Variants in RNF13 observed in about 807,000 individuals in gnomAD.
The protein encoded by RNF13 is E3 ubiquitin-protein ligase RNF13.
In RNF13, 19 loss-of-function variants were observed where a neutral mutation model predicts 37.7. The ratio of observed to expected loss-of-function variants is 0.50; its 90% CI spans 0.35 to 0.74. The LOEUF (loss-of-function observed/expected upper bound fraction) is 0.74, where lower values mean the gene tolerates loss of function less well. Among genes scored for constraint, RNF13 ranks in the 30% least tolerant of loss-of-function variants. RNF13 has a pLI of 0.01. For synonymous variants in RNF13, 144 were observed against 157.8 expected, an observed-to-expected ratio of 0.91 and a Z score of 0.65; for missense variants, 375 against 453.0, an observed-to-expected ratio of 0.83 and a Z score of 1.56.
chr3:149,863,475 G>A (rs1189730264), intron 3 of RNF13, among the ~76,000 whole-genome samples: 1 of 152,128 alleles, frequency 6.6e-6, no homozygotes, highest in Admixed American at 6.5e-5. Flanking sequence ...TGCCTCCTGG[G>A]TTCAAGCAAT....
At chr3:149,914,007 T>C (rs565288874) in intron 7 of RNF13, among the ~76,000 whole-genome samples, 1 of 152,212 alleles carries the variant, frequency 6.6e-6, no homozygotes, top group Admixed American at 6.5e-5. Flanking sequence ...ATTTTTCTCT[T>C]CTCAGCATTT....
chr3:149,826,257 A>G (rs1720492021), intron 1 of RNF13, among the ~76,000 whole-genome samples: 1 of 152,238 alleles, frequency 6.6e-6, no homozygotes, highest in Admixed American at 6.5e-5. Context: ...TTGCTAATGA[A>G]TGCAGATGCC....
At chr3:149,886,908 A>AT (rs1160806664) in intron 4 of RNF13, among the ~76,000 whole-genome samples, 4 of 152,098 alleles carry the variant, frequency 2.6e-5, no homozygotes, top group African/African-American at 9.7e-5. Flanking sequence ...TTCCTTTGTG[A>AT]TTTTTTGACC....
chr3:149,825,281 A>AT (rs1334176669), intron 1 of RNF13, among the ~76,000 whole-genome samples: 1 of 151,298 alleles, frequency 6.6e-6, no homozygotes, highest in Admixed American at 6.6e-5. Context: ...GGCTCAAGTG[A>AT]TTCAGCCTCC....
At chr3:149,860,040 G>T (rs1023328032) in intron 3 of RNF13, among the ~76,000 whole-genome samples, 2 of 151,700 alleles carry the variant, frequency 1.3e-5, no homozygotes, top group Non-Finnish European at 2.9e-5. Flanking sequence ...CCCGAGGCAG[G>T]TGGAGCATTT....
At chr3:149,913,236 T>G (rs1717168477) in intron 7 of RNF13, among the ~76,000 whole-genome samples, 1 of 152,182 alleles carries the variant, frequency 6.6e-6, no homozygotes, top group East Asian at 1.9e-4. Flanking sequence ...TTTTTAGACT[T>G]ATTACACATA....
chr3:149,853,279 T>A (rs1454768071), intron 3 of RNF13, among the ~76,000 whole-genome samples: 4 of 152,192 alleles, frequency 2.6e-5, no homozygotes, highest in Admixed American at 6.5e-5. Context: ...TTCTGTATTT[T>A]CAGTTCTTCC....
intron 8 of RNF13, among the ~76,000 whole-genome samples, chr3:149,958,515 C>T (rs1722077916): frequency 6.6e-6 from 1 of 152,188 alleles, no homozygotes; most frequent in Non-Finnish European, 1.5e-5. Context: ...GCTGATCTCC[C>T]TACCTCAATA....
chr3:149,905,996 T>G (rs1487953768), intron 6 of RNF13, among the ~76,000 whole-genome samples: 1 of 152,204 alleles, frequency 6.6e-6, no homozygotes, highest in Admixed American at 6.5e-5. Context: ...TCCCCAGTCC[T>G]TCTTCGTCCA....
chr3:149,941,841 T>G (rs563962941), intron 8 of RNF13, among the ~76,000 whole-genome samples: 16 of 151,880 alleles, frequency 1.1e-4, no homozygotes, highest in African/African-American at 3.6e-4. Context: ...AGGTCTTTAA[T>G]CCCTTTTGAG....
At chr3:149,903,624 G>A (rs530913283) in intron 6 of RNF13, among the ~76,000 whole-genome samples, 47 of 152,042 alleles carry the variant, frequency 3.1e-4, no homozygotes, top group African/African-American at 1.1e-3. Context: ...ACCCTTTCCA[G>A]GTGAATACAA....
rs114960949 is a variant in RNF13, at chr3:149,831,110, G to A, written c.-16-14901G>A. ...GACAGAAGTTTGCTGCGGGGGTGAAGCCCTCAGGGAGAACCTTTGCTAGGG... is the reference window on the plus strand; with the variant it reads ...GACAGAAGTTTGCTGCGGGGGTGAAACCCTCAGGGAGAACCTTTGCTAGGG... On this transcript the variant is annotated intron_variant, in intron 1 of 9. Coordinates refer to ENST00000392894, the MANE Select transcript of RNF13 (RefSeq NM_183381.3). Among the ~76,000 whole-genome samples the A allele has an allele frequency of 1.4e-3, 208 of 152,358 alleles. 1 individual carries two copies. Among genetic ancestry groups the A allele is most frequent in the African/African-American group, 4.9e-3 (205 of 41,590 alleles).
chr3:149,862,471 T>C (rs945531002), intron 3 of RNF13, among the ~76,000 whole-genome samples: 46 of 152,134 alleles, frequency 3.0e-4, no homozygotes, highest in Non-Finnish European at 4.6e-4. Flanking sequence ...ATTTATGTTA[T>C]AAAACATACA....
In RNF13 at chr3:149,918,996, A is replaced by G. The variant is rs563326571; in HGVS notation, c.607-2138A>G. Among the ~76,000 whole-genome samples, 22 of 152,218 alleles carry G rather than the reference A, an allele frequency of 1.4e-4. No individual in the cohort carries two copies. In the South Asian group the frequency reaches 4.1e-3, roughly 29 times the overall value. On this transcript the variant is annotated intron_variant, in intron 7 of 9. Coordinates refer to ENST00000392894, the MANE Select transcript of RNF13 (RefSeq NM_183381.3). ...TAACATATATTGTGATCACACATGT[A>G]TTTGGATTAATTTCTATTGTTTACT...
intron 4 of RNF13, among the ~76,000 whole-genome samples, chr3:149,881,678 T>A (rs571540910): frequency 6.6e-6 from 1 of 152,216 alleles, no homozygotes; most frequent in South Asian, 2.1e-4. Flanking sequence ...TGGCTTCTGT[T>A]TTTTGGTATA....
At chr3:149,916,516 G>A (rs1018567073) in intron 7 of RNF13, among the ~76,000 whole-genome samples, 1 of 152,116 alleles carries the variant, frequency 6.6e-6, no homozygotes, top group African/African-American at 2.4e-5. Flanking sequence ...CTGATGTTAA[G>A]TAGCTTACAT....
intron 3 of RNF13, among the ~76,000 whole-genome samples, chr3:149,869,588 A>C (rs1242894168): frequency 6.6e-6 from 1 of 151,600 alleles, no homozygotes; most frequent in Admixed American, 6.5e-5. Flanking sequence ...CCTGGGCGAC[A>C]GAGCGAGACT....
At position 149,921,736 on chromosome 3, in the gene RNF13, A is replaced by G. The variant is rs148373603; in HGVS notation, c.700+509A>G. ...TTTGGGTTGGTTCCAAGTCTTTGCTATTGTGAATAGTGCCACAATACACAT... is the reference window on the plus strand; with the variant it reads ...TTTGGGTTGGTTCCAAGTCTTTGCTGTTGTGAATAGTGCCACAATACACAT... On this transcript the variant is annotated intron_variant, in intron 8 of 9. Coordinates refer to ENST00000392894, the MANE Select transcript of RNF13 (RefSeq NM_183381.3). Among the ~76,000 whole-genome samples the G allele has an allele frequency of 2.9e-4, 44 of 152,208 alleles. 1 individual carries two copies. The East Asian group carries it at 7.9e-3, about 27-fold the overall frequency.
At chr3:149,926,096 G>T (rs1174016124) in intron 8 of RNF13, among the ~76,000 whole-genome samples, 3 of 152,210 alleles carry the variant, frequency 2.0e-5, no homozygotes, top group Admixed American at 1.3e-4. Context: ...AGAGGGAGGC[G>T]TAGAGTATGG....
Sources: gnomAD v4.1 joint callset for allele counts (sites outside exome capture counted in the v4.1 genomes callset) on GRCh38, gnomAD v4.1.1 for gene constraint, MANE v1.5 for transcripts, NCBI Gene and HGNC (gene_info 2026-07-23, HGNC 2026-07-21) for gene names.